RPS6KA3: variants seen among roughly 807,000 people sequenced by gnomAD.
The protein encoded by RPS6KA3 is ribosomal protein S6 kinase A3, also known as ribosomal protein S6 kinase alpha-3.
A neutral mutation model predicts 67.2 loss-of-function variants in RPS6KA3; 4 were observed. That is an observed-to-expected ratio of 0.06 (90% CI 0.03 to 0.14). RPS6KA3 has a LOEUF of 0.14. Ranked by LOEUF, RPS6KA3 falls within the 10% of genes least tolerant of loss-of-function variation. The pLI, the probability that RPS6KA3 is intolerant of heterozygous loss-of-function variation, is 1.00. For synonymous variants in RPS6KA3, 182 were observed against 183.7 expected, an observed-to-expected ratio of 0.99 and a Z score of 0.07; for missense variants, 204 against 559.0, an observed-to-expected ratio of 0.36 and a Z score of 6.40.
chrX:20,208,506 CAA>C (rs1379887374), intron 3 of RPS6KA3, among the ~76,000 whole-genome samples: 2 of 111,176 alleles, frequency 1.8e-5, no homozygotes, highest in East Asian at 2.8e-4. Flanking sequence ...GCTTTGAGCT[CAA>C]GAGTTTGAGA....
intron 15 of RPS6KA3, among the ~76,000 whole-genome samples, chrX:20,171,948 T>C (rs1487773856): frequency 8.9e-6 from 1 of 112,444 alleles, no homozygotes; most frequent in Non-Finnish European, 1.9e-5. Flanking sequence ...AATGTATTTT[T>C]ATGGTTCATC....
At chrX:20,167,339 T>C (rs1475705673) in intron 17 of RPS6KA3, among the ~76,000 whole-genome samples, 1 of 111,841 alleles carries the variant, frequency 8.9e-6, no homozygotes, top group Non-Finnish European at 1.9e-5. Context: ...AACAATGCTA[T>C]GTTTTCCAGG....
intron 1 of RPS6KA3, among the ~76,000 whole-genome samples, chrX:20,243,257 T>C (rs2069596578): frequency 9.0e-6 from 1 of 111,573 alleles, no homozygotes; most frequent in Admixed American, 9.5e-5. Context: ...TTGATGCTTC[T>C]TAACCACTCT....
intron 10 of RPS6KA3, among the ~76,000 whole-genome samples, chrX:20,186,038 C>G (rs749207481): frequency 6.3e-5 from 7 of 111,464 alleles, no homozygotes; most frequent in Middle Eastern, 4.2e-3. Context: ...CTCCCGGGTT[C>G]AAGGGATTCT....
intron 1 of RPS6KA3, among the ~76,000 whole-genome samples, chrX:20,261,822 T>C (rs984358026): frequency 1.8e-5 from 2 of 112,291 alleles, no homozygotes; most frequent in Non-Finnish European, 3.8e-5. Flanking sequence ...TGAGATCTGA[T>C]ATCTCCAGGT....
chrX:20,169,361 G>A (rs2067518765), intron 16 of RPS6KA3, 41 bp downstream of exon 16: 1 of 831,382 alleles, frequency 1.2e-6, no homozygotes, highest in Non-Finnish European at 1.8e-6. Context: ...ATGTGAGTTA[G>A]ACAACTGATT....
chrX:20,165,073 C>T lies in RPS6KA3; in HGVS notation c.1603-13G>A. The T allele has an allele frequency of 8.7e-7, 1 of 1,143,362 alleles. No individual in the cohort carries two copies. Among genetic ancestry groups the T allele is most frequent in the Non-Finnish European group, 1.2e-6 (1 of 833,290 alleles). 94.2% of individuals were successfully genotyped at this position (1,143,362 alleles called of 1,213,427 possible). On this transcript the variant is annotated splice_polypyrimidine_tract_variant and intron_variant, in intron 17 of 21. Coordinates refer to ENST00000379565, the MANE Select transcript of RPS6KA3 (RefSeq NM_004586.3). Reference sequence around the variant, plus strand: ...CTCTATGAACCACCTAATTGAAATACAAATTAAAGAGTTATGTTAACAATA... The same window carrying T: ...CTCTATGAACCACCTAATTGAAATATAAATTAAAGAGTTATGTTAACAATA...
chrX:20,199,550 C>T (rs911088716), intron 4 of RPS6KA3, among the ~76,000 whole-genome samples: 8 of 111,602 alleles, frequency 7.2e-5, no homozygotes, highest in Non-Finnish European at 1.1e-4. Context: ...AATTAAGGAA[C>T]AATTCAGGAG....
chrX:20,220,462 G>A (rs772522038), intron 2 of RPS6KA3, among the ~76,000 whole-genome samples: 4 of 107,053 alleles, frequency 3.7e-5, no homozygotes, highest in East Asian at 2.8e-4. Flanking sequence ...TAGGACAACC[G>A]CCTAACACAG....
At chrX:20,210,708 C>T (rs1236249156) in intron 2 of RPS6KA3, among the ~76,000 whole-genome samples, 1 of 111,519 alleles carries the variant, frequency 9.0e-6, no homozygotes, top group Non-Finnish European at 1.9e-5. Context: ...ATTGGACTCC[C>T]CTGGGACTTC....
At chrX:20,215,164 T>A (rs181801463) in intron 2 of RPS6KA3, among the ~76,000 whole-genome samples, 2 of 111,483 alleles carry the variant, frequency 1.8e-5, no homozygotes, top group Non-Finnish European at 3.8e-5. Flanking sequence ...ATACTAAATT[T>A]TTTATCCTGG....
At position 20,165,058 on chromosome X, in the gene RPS6KA3, C is replaced by T. The variant is rs780027660; in HGVS notation, c.1605G>A (p.Val535=). 6 of 1,165,608 alleles carry T rather than the reference C, an allele frequency of 5.1e-6. No individual in the cohort carries two copies. The highest frequency in any genetic ancestry group is 1.8e-5 in the African/African-American group (1 of 56,356). Reference sequence around the variant, plus strand: ...TGCTAGGTTTCAAGTCTCTATGAACCACCTAATTGAAATACAAATTAAAGA... The same window carrying T: ...TGCTAGGTTTCAAGTCTCTATGAACTACCTAATTGAAATACAAATTAAAGA... ...KTVEYLHAQG[V]VHRDLKPSNI... Residue 535 remains valine (V), a splice_region_variant and synonymous_variant, in exon 18 of 22, where the codon GTG becomes GTA. Coordinates refer to ENST00000379565, the MANE Select transcript of RPS6KA3 (RefSeq NM_004586.3).
chrX:20,234,673 T>C (rs2069362156), intron 2 of RPS6KA3, 85 bp downstream of exon 2: 2 of 690,119 alleles, frequency 2.9e-6, no homozygotes, highest in East Asian at 6.6e-5. Flanking sequence ...CACTGTAAAA[T>C]GATTACTCTG....
intron 4 of RPS6KA3, among the ~76,000 whole-genome samples, chrX:20,201,550 T>C (rs1278056049): frequency 8.9e-6 from 1 of 111,966 alleles, no homozygotes; most frequent in Non-Finnish European, 1.9e-5. Context: ...ATGGAGGATA[T>C]AATGGTATTT....
chrX:20,242,151 G>C, intron 1 of RPS6KA3, among the ~76,000 whole-genome samples: 1 of 111,790 alleles, frequency 8.9e-6, no homozygotes, highest in Middle Eastern at 4.6e-3. Flanking sequence ...ACTTCAGAAA[G>C]TTCAAAGTAG....
chrX:20,171,240 C>T (rs759968990), intron 15 of RPS6KA3, among the ~76,000 whole-genome samples: 3 of 111,956 alleles, frequency 2.7e-5, no homozygotes, highest in South Asian at 7.4e-4. Context: ...TCAAGTTATA[C>T]GTGGATTTTC....
At position 20,154,077 on chromosome X, in the gene RPS6KA3, C is replaced by G. The variant is rs1005051142; in HGVS notation, c.*1321G>C. 3 of 112,063 alleles carry G rather than the reference C, an allele frequency of 2.7e-5. No homozygotes were observed. Among genetic ancestry groups the G allele is most frequent in the Middle Eastern group, 4.6e-3 (1 of 217 alleles). The allele number at this position is 112,063 out of a possible 1,213,427, so 9.2% of individuals were successfully genotyped here. On this transcript the variant is annotated 3_prime_UTR_variant, in exon 22 of 22. Coordinates refer to ENST00000379565, the MANE Select transcript of RPS6KA3 (RefSeq NM_004586.3). ...CATCAAATACGATTGTGGAAACTAC[C>G]AAATTAGATGCAGATAATGAATACT...
intron 14 of RPS6KA3, among the ~76,000 whole-genome samples, chrX:20,174,194 A>C (rs1249666987): frequency 1.8e-5 from 2 of 111,494 alleles, no homozygotes; most frequent in African/African-American, 3.3e-5. Flanking sequence ...TCCTGTTCTA[A>C]GGCATCAAAG....
At chrX:20,156,006 T>C in intron 21 of RPS6KA3, 103 bp downstream of exon 21, 1 of 891,557 alleles carries the variant, frequency 1.1e-6, no homozygotes, top group Non-Finnish European at 1.7e-6. Context: ...ACAACAGAAC[T>C]GGATGCAGGA....
Sources: allele counts gnomAD v4.1 joint callset (sites outside exome capture counted in the v4.1 genomes callset), GRCh38; gene constraint gnomAD v4.1.1; transcripts MANE v1.5; gene names NCBI Gene and HGNC (gene_info 2026-07-23, HGNC 2026-07-21).